The following OVCH1 variants were observed in gnomAD, a reference collection of about 807,000 sequenced individuals.
The protein encoded by OVCH1 is ovochymase-1.
Under a neutral mutation model 138.4 loss-of-function variants are expected in OVCH1, and 139 were observed. The observed-to-expected ratio is 1.00, with a 90% CI of 0.87 to 1.16. OVCH1 has a LOEUF of 1.16. OVCH1 is among the 50% of genes most tolerant of loss of function. OVCH1 has a pLI of 0.00. For missense variants in OVCH1, 1,367 were observed against 1,357.9 expected, an observed-to-expected ratio of 1.01 and a Z score of -0.11; for synonymous variants, 453 against 467.8, an observed-to-expected ratio of 0.97 and a Z score of 0.41.
At chr12:29,471,822 G>A (rs758606965) in exon 16 of OVCH1, 17 of 1,611,156 alleles carry the variant, frequency 1.1e-5, no homozygotes, top group African/African-American at 6.7e-5. Context: ...AGTGGGCTGC[G>A]GTCAGAATCC....
chr12:29,476,309 T>C lies in OVCH1; in HGVS notation c.1378-10A>G, dbSNP rs1402389259. On this transcript the variant is annotated splice_polypyrimidine_tract_variant and intron_variant, in intron 12 of 27. Coordinates refer to ENST00000318184, the Ensembl canonical transcript of OVCH1. ...AGTCCTCAAATGTCAACTGTGCAAATGGAAACATAACCAGGGAAATGGTCA... is the reference window on the plus strand; with the variant it reads ...AGTCCTCAAATGTCAACTGTGCAAACGGAAACATAACCAGGGAAATGGTCA... The C allele has an allele frequency of 6.3e-7, 1 of 1,597,504 alleles. No homozygotes were observed. Among genetic ancestry groups the C allele is most frequent in the Non-Finnish European group, 8.6e-7 (1 of 1,165,268 alleles).
At chr12:29,495,286 A>G in exon 4 of OVCH1, 1 of 1,608,898 alleles carries the variant, frequency 6.2e-7, no homozygotes, top group Non-Finnish European at 8.5e-7. Context: ...CATACTCACC[A>G]AACTTGACTT....
chr12:29,444,751 AT>A (rs947732204), intron 23 of OVCH1, among the ~76,000 whole-genome samples: 23 of 152,224 alleles, frequency 1.5e-4, no homozygotes, highest in Admixed American at 9.8e-4. Context: ...ATAAAAAAAA[AT>A]CTCACTAATT....
intron 18 of OVCH1, among the ~76,000 whole-genome samples, chr12:29,462,423 G>T (rs7965185): frequency 0.2 from 30,069 of 150,610 alleles, 3,731 homozygotes; most frequent in African/African-American, 0.36. Context: ...CAAATAATAT[G>T]CTTATATGAT....
chr12:29,483,566 G>T (rs969731830), intron 8 of OVCH1, among the ~76,000 whole-genome samples: 1 of 152,032 alleles, frequency 6.6e-6, no homozygotes, highest in Non-Finnish European at 1.5e-5. Flanking sequence ...GGAACTCAAG[G>T]TCCTCTGCAA....
exon 8 of OVCH1, chr12:29,486,331 G>C: frequency 1.2e-6 from 2 of 1,613,594 alleles, no homozygotes; most frequent in Non-Finnish European, 1.7e-6. Flanking sequence ...TTTGAGAGGG[G>C]TTGGCCCCGA....
chr12:29,407,252 G>A, the OVCH1 span, among the ~76,000 whole-genome samples: 5 of 131,992 alleles, frequency 3.8e-5, no homozygotes, highest in East Asian at 4.4e-4. Context: ...CCCATTTTGT[G>A]GGTTGCCTGT....
At chr12:29,472,026 T>C (rs1942529191) in intron 15 of OVCH1, 44 bp from the exon 16 acceptor site, 4 of 1,538,954 alleles carry the variant, frequency 2.6e-6, no homozygotes, top group Non-Finnish European at 2.6e-6. Context: ...TTGCAGTAAT[T>C]TAGAACATAC....
downstream of OVCH1, among the ~76,000 whole-genome samples, chr12:29,410,852 T>G (rs181369804): frequency 5.8e-3 from 882 of 151,784 alleles, 10 homozygotes; most frequent in African/African-American, 0.02. Flanking sequence ...ATCTGAATGT[T>G]GGCCTGCGTT....
At chr12:29,405,557 AT>A in the OVCH1 span, among the ~76,000 whole-genome samples, 9 of 152,274 alleles carry the variant, frequency 5.9e-5, 1 homozygote, top group East Asian at 1.5e-3. Context: ...AAATCCCACC[AT>A]TTTTCTCTCT....
At chr12:29,414,670 A>G (rs1941008625) in intron 3 of OVCH1, among the ~76,000 whole-genome samples, 1 of 152,210 alleles carries the variant, frequency 6.6e-6, no homozygotes, top group Non-Finnish European at 1.5e-5. Flanking sequence ...AATCTTTAAA[A>G]TATTTTTACC....
intron 3 of OVCH1, 91 bp downstream of exon 3, chr12:29,496,090 C>A: frequency 8.4e-7 from 1 of 1,184,382 alleles, no homozygotes; most frequent in Middle Eastern, 1.9e-4. Flanking sequence ...AAGAAAGGGA[C>A]TGAGAATGAA....
At position 29,489,609 on chromosome 12, in the gene OVCH1, C is replaced by T. The variant is rs967182; in HGVS notation, c.702+11G>A. 0.42 allele frequency: 671,288 copies of T among 1,592,514 alleles called. 143,494 individuals are homozygous for T. Among genetic ancestry groups the T allele is most frequent in the East Asian group, 0.53 (23,631 of 44,202 alleles). On this transcript the variant is annotated intron_variant, in intron 6 of 27. Transcript: ENST00000318184. ...GTTACTGAACAGCTAGGCTGGTTTA[C>T]ACTTTTGTACCTGGCAGGCGTCCAT...
At chr12:29,490,134 G>T (rs1943234747) in intron 5 of OVCH1, among the ~76,000 whole-genome samples, 1 of 152,096 alleles carries the variant, frequency 6.6e-6, no homozygotes, top group Non-Finnish European at 1.5e-5. Context: ...TACAATCAAG[G>T]CTCACTGTAG....
intron 5 of OVCH1, among the ~76,000 whole-genome samples, chr12:29,490,584 T>TAC (rs1225815070): frequency 1.3e-5 from 2 of 152,180 alleles, no homozygotes; most frequent in East Asian, 3.9e-4. Flanking sequence ...ACTTAACATT[T>TAC]ACTCTCTTGG....
At chr12:29,414,790 T>A (rs909263486) in intron 3 of OVCH1, among the ~76,000 whole-genome samples, 3 of 152,158 alleles carry the variant, frequency 2.0e-5, no homozygotes, top group East Asian at 1.9e-4. Context: ...AAAATTTTTT[T>A]AAAAAGGAAA....
intron 22 of OVCH1, among the ~76,000 whole-genome samples, chr12:29,450,859 C>A (rs1941769191): frequency 6.6e-6 from 1 of 152,034 alleles, no homozygotes; most frequent in Admixed American, 6.6e-5. Flanking sequence ...AGTTTATGTC[C>A]TTTACAGGGA....
intron 3 of OVCH1, among the ~76,000 whole-genome samples, chr12:29,418,617 G>A (rs1941062204): frequency 6.6e-6 from 1 of 152,132 alleles, no homozygotes; most frequent in East Asian, 1.9e-4. Context: ...AATTCAATAC[G>A]TTTTTCCAGA....
intron 26 of OVCH1, among the ~76,000 whole-genome samples, chr12:29,436,122 A>G (rs1444295523): frequency 2.6e-5 from 4 of 152,040 alleles, no homozygotes; most frequent in Non-Finnish European, 5.9e-5. Flanking sequence ...TAATGGCTGC[A>G]TAAATTTATA....
Sources: allele counts gnomAD v4.1 joint callset (sites outside exome capture counted in the v4.1 genomes callset), GRCh38; gene constraint gnomAD v4.1.1; transcripts MANE v1.5; gene names NCBI Gene and HGNC (gene_info 2026-07-23, HGNC 2026-07-21).